The following IL1RAPL1 variants were observed in gnomAD, a reference collection of about 807,000 sequenced individuals.
The protein encoded by IL1RAPL1 is interleukin 1 receptor accessory protein like 1.
In IL1RAPL1, 3 loss-of-function variants were observed where a neutral mutation model predicts 48.4. The ratio of observed to expected loss-of-function variants is 0.06; its 90% confidence interval spans 0.03 to 0.16. The LOEUF is 0.16. Ranked by LOEUF, IL1RAPL1 falls within the 10% of genes least tolerant of loss-of-function variation. IL1RAPL1 has a pLI of 1.00. For missense variants in IL1RAPL1, 349 were observed against 530.6 expected, an observed-to-expected ratio of 0.66 and a Z score of 3.36; for synonymous variants, 185 against 187.7, an observed-to-expected ratio of 0.99 and a Z score of 0.12.
At chrX:29,852,891 G>T (rs987862219) in intron 6 of IL1RAPL1, among the ~76,000 whole-genome samples, 3 of 111,530 alleles carry the variant, frequency 2.7e-5, no homozygotes, top group African/African-American at 9.8e-5. Flanking sequence ...CAATAATAAT[G>T]AGCACAAATA....
At chrX:29,414,976 A>C (rs1292789323) in intron 5 of IL1RAPL1, among the ~76,000 whole-genome samples, 1 of 111,985 alleles carries the variant, frequency 8.9e-6, no homozygotes, top group Non-Finnish European at 1.9e-5. Flanking sequence ...TCAAAGATTG[A>C]AAATGTACTC....
At position 29,879,357 on chromosome X, in the gene IL1RAPL1, A is replaced by ATATG. The variant is rs1555929711; in HGVS notation, c.779-38106_779-38105insATGT. 6.0e-5 allele frequency among the ~76,000 whole-genome samples: 5 copies of ATATG among 83,985 alleles called. No individual in the cohort carries two copies. In the East Asian group the frequency reaches 1.0e-3, roughly 17 times the overall value. 72.9% of individuals were successfully genotyped at this position (83,985 alleles called of 115,157 possible). A position where few individuals can be genotyped will look rare whatever the true frequency, so the allele number is the denominator to read the frequency against. ...GGGTGTTGGGGTGGTAGTTTTATAT[A>ATATG]TGTGTGTGTGTGTGTGTGTGTGTGT... On this transcript the variant is annotated intron_variant, in intron 6 of 10. Coordinates refer to ENST00000378993, the MANE Select transcript of IL1RAPL1 (RefSeq NM_014271.4).
intron 2 of IL1RAPL1, among the ~76,000 whole-genome samples, chrX:28,993,279 T>TG (rs1214990609): frequency 1.8e-5 from 2 of 111,767 alleles, no homozygotes; most frequent in Admixed American, 1.9e-4. Flanking sequence ...TGATCTAGTT[T>TG]GGGTTTTAAG....
At chrX:28,980,136 G>A (rs1187732032) in intron 2 of IL1RAPL1, among the ~76,000 whole-genome samples, 2 of 112,365 alleles carry the variant, frequency 1.8e-5, no homozygotes, top group Non-Finnish European at 3.8e-5. Flanking sequence ...TCTCAGGAGA[G>A]CCATGACTCA....
chrX:29,875,761 TA>T (rs2147211895), intron 6 of IL1RAPL1, among the ~76,000 whole-genome samples: 1 of 112,301 alleles, frequency 8.9e-6, no homozygotes, highest in African/African-American at 3.2e-5. Context: ...AGGAAGTAAT[TA>T]TGGAAAAACC....
At position 29,955,126 on chromosome X, in the gene IL1RAPL1, G is replaced by A; in HGVS notation, c.1397G>A (p.Cys466Tyr). The change falls in exon 11 of 11, where the codon TGT (cysteine) becomes TAT (tyrosine). Residue 466 changes from cysteine (C) to tyrosine (Y), a missense_variant. Coordinates refer to ENST00000378993, the MANE Select transcript of IL1RAPL1 (RefSeq NM_014271.4). The stretch of plus-strand genomic sequence containing the variant: ...GCATACATTGAAGATGTGGCAAGAT[G>A]TGTAGATCAAAGCAAGCGGCTGATT... Reference protein sequence around the residue: ...TGTYIEDVARCVDQSKRLIIV... With the variant: ...TGTYIEDVARYVDQSKRLIIV... 1.7e-6 allele frequency: 2 copies of A among 1,210,207 alleles called. No homozygotes were observed. The highest frequency in any genetic ancestry group is 2.2e-6 in the Non-Finnish European group (2 of 893,936).
chrX:29,508,476 A>G (rs1350858854), intron 5 of IL1RAPL1, among the ~76,000 whole-genome samples: 1 of 112,330 alleles, frequency 8.9e-6, no homozygotes, highest in Non-Finnish European at 1.9e-5. Context: ...TGACAACTAT[A>G]TAAAACAGGA....
chrX:29,836,249 G>A (rs1442778175), intron 6 of IL1RAPL1, among the ~76,000 whole-genome samples: 1 of 101,857 alleles, frequency 9.8e-6, no homozygotes, highest in Non-Finnish European at 2.0e-5. Context: ...GGAGTGCAGT[G>A]GCATGATCTT....
At chrX:29,789,342 T>C (rs1929576515) in intron 6 of IL1RAPL1, among the ~76,000 whole-genome samples, 1 of 111,898 alleles carries the variant, frequency 8.9e-6, no homozygotes, top group South Asian at 3.7e-4. Context: ...AATATGACAG[T>C]TGTTAGAAAT....
chrX:29,909,678 GATAAAA>G (rs1932723877), intron 6 of IL1RAPL1, among the ~76,000 whole-genome samples: 1 of 111,850 alleles, frequency 8.9e-6, no homozygotes, highest in Admixed American at 9.5e-5. Context: ...CACACTCATA[GATAAAA>G]ATAATCAATA....
At chrX:29,212,736 A>G (rs1930793951) in intron 2 of IL1RAPL1, among the ~76,000 whole-genome samples, 1 of 112,745 alleles carries the variant, frequency 8.9e-6, no homozygotes, top group Non-Finnish European at 1.9e-5. Flanking sequence ...GCAATAAAGT[A>G]TGTTAGAGAA....
chrX:29,214,837 A>G (rs1930836111), intron 2 of IL1RAPL1, among the ~76,000 whole-genome samples: 2 of 112,220 alleles, frequency 1.8e-5, no homozygotes, highest in Admixed American at 1.9e-4. Flanking sequence ...AAATGGGTAA[A>G]TTATGTCTGT....
At chrX:29,893,497 G>A (rs1002019021) in intron 6 of IL1RAPL1, among the ~76,000 whole-genome samples, 2 of 110,679 alleles carry the variant, frequency 1.8e-5, no homozygotes, top group Non-Finnish European at 3.8e-5. Flanking sequence ...TGGAGTCACC[G>A]TGCATCATTG....
rs756654229 is a variant in IL1RAPL1 at position 28,897,686 on chromosome X, T to C, written c.82+108261T>C. Among the ~76,000 whole-genome samples, 21 of 111,737 alleles carry C rather than the reference T, an allele frequency of 1.9e-4. No individual in the cohort carries two copies. In the East Asian group the frequency reaches 5.4e-3, roughly 29 times the overall value. ...TTGATCTCCCAAGGGAGTTCCCCCC[T>C]CCCCGATCTGAGTCACGGCACCAAA... is the stretch of plus-strand genomic sequence containing the variant. On this transcript the variant is annotated intron_variant, in intron 2 of 10. Transcript: ENST00000378993.
chrX:28,830,698 T>C (rs987518406), intron 2 of IL1RAPL1, among the ~76,000 whole-genome samples: 6 of 111,139 alleles, frequency 5.4e-5, no homozygotes, highest in Non-Finnish European at 9.4e-5. Context: ...GTATGGGCTA[T>C]ACTTTTCTAT....
chrX:28,677,717 A>G (rs988252485), intron 1 of IL1RAPL1, among the ~76,000 whole-genome samples: 1 of 110,549 alleles, frequency 9.0e-6, no homozygotes, highest in Non-Finnish European at 1.9e-5. Context: ...CCTCCTGAAT[A>G]GCGGGGATTA....
At chrX:29,880,421 G>T (rs1434771936) in intron 6 of IL1RAPL1, among the ~76,000 whole-genome samples, 1 of 111,802 alleles carries the variant, frequency 8.9e-6, no homozygotes, top group Non-Finnish European at 1.9e-5. Flanking sequence ...CAAGTTTGTT[G>T]CTGTTGCTTT....
chrX:28,958,710 G>C (rs902487457), intron 2 of IL1RAPL1, among the ~76,000 whole-genome samples: 1 of 111,608 alleles, frequency 9.0e-6, no homozygotes, highest in Non-Finnish European at 1.9e-5. Flanking sequence ...AGGGTTAGAG[G>C]ATCTCATGTC....
chrX:28,673,038 G>A (rs188532753), intron 1 of IL1RAPL1, among the ~76,000 whole-genome samples: 5 of 111,414 alleles, frequency 4.5e-5, no homozygotes, highest in Non-Finnish European at 9.4e-5. Flanking sequence ...CCACTAATAC[G>A]TGAGAACATG....
Sources: gnomAD v4.1 joint callset for allele counts (sites outside exome capture counted in the v4.1 genomes callset) on GRCh38, gnomAD v4.1.1 for gene constraint, MANE v1.5 for transcripts, NCBI Gene and HGNC (gene_info 2026-07-23, HGNC 2026-07-21) for gene names.